The following KCNQ3 variants were observed in gnomAD, a reference collection of about 807,000 sequenced individuals.
The protein encoded by KCNQ3 is potassium voltage-gated channel subfamily Q member 3.
Under a neutral mutation model 92.5 loss-of-function variants are expected in KCNQ3, and 30 were observed. The ratio of observed to expected loss-of-function variants is 0.32; its 90% CI spans 0.24 to 0.44. KCNQ3 has a LOEUF of 0.44. Among genes scored for constraint, KCNQ3 ranks in the 20% least tolerant of loss-of-function variants. KCNQ3 has a pLI of 1.00. For missense variants in KCNQ3, 913 were observed against 1,140.3 expected (o/e 0.80, Z 2.87); for synonymous variants, 450 against 468.8 (o/e 0.96, Z 0.52).
At chr8:132,319,304 T>A (rs1817832348) in intron 1 of KCNQ3, among the ~76,000 whole-genome samples, 2 of 152,152 alleles carry the variant, frequency 1.3e-5, no homozygotes, top group East Asian at 3.9e-4. Flanking sequence ...CCAATGGGAA[T>A]TTGACCCTAG....
intron 1 of KCNQ3, among the ~76,000 whole-genome samples, chr8:132,393,472 G>C (rs972157141): frequency 3.3e-4 from 50 of 152,270 alleles, no homozygotes; most frequent in African/African-American, 1.1e-3. Flanking sequence ...AGTATGGCTG[G>C]GTTCCAAAAT....
Position 132,480,258 on chromosome 8 carries a change from G to C in KCNQ3, c.275C>G (p.Pro92Arg), listed in dbSNP as rs1328966824. The C allele has an allele frequency of 1.9e-6, 3 of 1,612,568 alleles. No individual in the cohort carries two copies. The highest frequency in any genetic ancestry group is 2.5e-6 in the Non-Finnish European group (3 of 1,179,292). The change falls in exon 1 of 15, where the codon CCG (proline) becomes CGG (arginine). Residue 92 changes from proline (P) to arginine (R), a missense_variant. Physicochemically the swap from Pro to Arg is moderately radical, Grantham distance 103 (BLOSUM62 -2). Transcript: ENST00000388996. ...PQGIGLLAKT[P>R]LSRPVKRNNA... ...GTTTCTCTTGACTGGGCGGCTCAGC[G>C]GGGTCTTGGCCAGGAGCCCGATGCC...
At chr8:132,417,967 G>A (rs887084693) in intron 1 of KCNQ3, among the ~76,000 whole-genome samples, 4 of 152,130 alleles carry the variant, frequency 2.6e-5, no homozygotes, top group Admixed American at 6.5e-5. Flanking sequence ...CCCAAGGTCC[G>A]TGGTGCAAAA....
intron 1 of KCNQ3, among the ~76,000 whole-genome samples, chr8:132,399,679 A>G (rs1326813617): frequency 6.6e-6 from 1 of 152,176 alleles, no homozygotes; most frequent in Non-Finnish European, 1.5e-5. Flanking sequence ...TAGTATCGCA[A>G]TACACGCTCA....
intron 1 of KCNQ3, among the ~76,000 whole-genome samples, chr8:132,438,320 G>A (rs1308094775): frequency 6.6e-6 from 1 of 152,094 alleles, no homozygotes; most frequent in Non-Finnish European, 1.5e-5. Flanking sequence ...CTCAATCCTT[G>A]GAGCTCCTGG....
At chr8:132,209,950 A>G (rs1813798782) in intron 1 of KCNQ3, among the ~76,000 whole-genome samples, 1 of 152,184 alleles carries the variant, frequency 6.6e-6, no homozygotes, top group Admixed American at 6.5e-5. Context: ...ATTGTCTTCT[A>G]TCTGTATAAG....
At chr8:132,178,704 A>T (rs564431197) in intron 4 of KCNQ3, among the ~76,000 whole-genome samples, 23 of 152,088 alleles carry the variant, frequency 1.5e-4, no homozygotes, top group African/African-American at 5.5e-4. Flanking sequence ...CCTTCAACGT[A>T]TCTAGGTGCA....
intron 1 of KCNQ3, among the ~76,000 whole-genome samples, chr8:132,288,681 G>A (rs1009421173): frequency 6.6e-6 from 1 of 152,092 alleles, no homozygotes; most frequent in Admixed American, 6.5e-5. Context: ...GCAGTGCATT[G>A]TATGGGTGTT....
At chr8:132,335,642 A>G (rs567111630) in intron 1 of KCNQ3, among the ~76,000 whole-genome samples, 64 of 152,336 alleles carry the variant, frequency 4.2e-4, no homozygotes, top group African/African-American at 1.4e-3. Flanking sequence ...TTACAACTGA[A>G]AAAAGGCAAT....
At chr8:132,234,345 T>G (rs1002760079) in intron 1 of KCNQ3, among the ~76,000 whole-genome samples, 41 of 93,132 alleles carry the variant, frequency 4.4e-4, no homozygotes, top group Non-Finnish European at 4.6e-4. Context: ...AAAGTTTTTT[T>G]TTTTTTTTTT....
chr8:132,429,145 T>C (rs1821182779), intron 1 of KCNQ3, among the ~76,000 whole-genome samples: 1 of 152,214 alleles, frequency 6.6e-6, no homozygotes, highest in Non-Finnish European at 1.5e-5. Flanking sequence ...ATAAGCACAG[T>C]GCCAGGCAGG....
intron 1 of KCNQ3, among the ~76,000 whole-genome samples, chr8:132,245,080 C>A (rs1815123116): frequency 6.6e-6 from 1 of 152,118 alleles, no homozygotes; most frequent in Admixed American, 6.5e-5. Context: ...CTTGTCCAAT[C>A]TCCTGATATA....
intron 1 of KCNQ3, among the ~76,000 whole-genome samples, chr8:132,195,715 T>C (rs964536930): frequency 3.9e-5 from 6 of 152,174 alleles, no homozygotes; most frequent in Non-Finnish European, 5.9e-5. Flanking sequence ...AATCAGATCA[T>C]GTCATGAAAG....
Position 132,243,500 on chromosome 8 carries a change from C to T in KCNQ3, c.387-57319G>A, listed in dbSNP as rs147623087. On this transcript the variant is annotated intron_variant, in intron 1 of 14. Coordinates refer to ENST00000388996, the MANE Select transcript of KCNQ3 (RefSeq NM_004519.4). ...GCATATGTAGGGCCCAGAGGGGCTTCAGTCTGATGGGAGCAGAGTAAAAAA... is the reference window on the plus strand; with the variant it reads ...GCATATGTAGGGCCCAGAGGGGCTTTAGTCTGATGGGAGCAGAGTAAAAAA... Among the ~76,000 whole-genome samples the T allele has an allele frequency of 4.6e-3, 707 of 152,356 alleles. 3 individuals carry two copies. The highest frequency in any genetic ancestry group is 8.0e-3 in the Non-Finnish European group (544 of 68,042).
At chr8:132,361,508 T>G (rs1819171064) in intron 1 of KCNQ3, among the ~76,000 whole-genome samples, 1 of 152,216 alleles carries the variant, frequency 6.6e-6, no homozygotes, top group African/African-American at 2.4e-5. Context: ...TGCCTTAGAA[T>G]AGCAACCTCG....
chr8:132,340,186 T>G (rs1018395943), intron 1 of KCNQ3, among the ~76,000 whole-genome samples: 1 of 152,144 alleles, frequency 6.6e-6, no homozygotes, highest in African/African-American at 2.4e-5. Context: ...GTTCAACCAT[T>G]ATGGAAGACA....
intron 1 of KCNQ3, among the ~76,000 whole-genome samples, chr8:132,333,053 ATGG>A: frequency 6.6e-6 from 1 of 151,374 alleles, no homozygotes; most frequent in Admixed American, 6.6e-5. Flanking sequence ...GGATGGATGG[ATGG>A]ATGGAAGATG....
At position 132,140,195 on chromosome 8, in the gene KCNQ3, C is replaced by T; in HGVS notation, c.1466-17G>A. On this transcript the variant is annotated splice_polypyrimidine_tract_variant and intron_variant, in intron 10 of 14. Coordinates refer to ENST00000388996, the MANE Select transcript of KCNQ3 (RefSeq NM_004519.4). ...TCCCGGCATCTGGGAGGGAGACACACATATGAACGGCAGGCCACAGACCTG... is the reference window on the plus strand; with the variant it reads ...TCCCGGCATCTGGGAGGGAGACACATATATGAACGGCAGGCCACAGACCTG... The T allele has an allele frequency of 6.3e-7, 1 of 1,589,022 alleles. No homozygotes were observed. The highest frequency in any genetic ancestry group is 8.6e-7 in the Non-Finnish European group (1 of 1,158,128).
chr8:132,380,034 T>C (rs1819704585), intron 1 of KCNQ3, among the ~76,000 whole-genome samples: 1 of 152,092 alleles, frequency 6.6e-6, no homozygotes, highest in African/African-American at 2.4e-5. Context: ...CTTTATTCAA[T>C]GAAAGAAGAA....
Sources: gnomAD v4.1 joint callset for allele counts (sites outside exome capture counted in the v4.1 genomes callset) on GRCh38, gnomAD v4.1.1 for gene constraint, MANE v1.5 for transcripts, NCBI Gene and HGNC (gene_info 2026-07-23, HGNC 2026-07-21) for gene names.